NBAS: variants seen among roughly 807,000 people sequenced by gnomAD.
NBAS encodes NBAS subunit of NRZ tethering complex, also known as NAG/BC035112 fusion.
NBAS carries 219 observed loss-of-function variants against 302.5 expected under a neutral mutation model. The ratio of observed to expected loss-of-function variants is 0.72; its 90% confidence interval spans 0.65 to 0.81. The LOEUF is 0.81. Among genes scored for constraint, NBAS ranks in the 30% least tolerant of loss-of-function variants. The pLI, the probability that NBAS is intolerant of heterozygous loss-of-function variation, is 0.00. For missense variants in NBAS, 2,932 were observed against 2,841.6 expected, an observed-to-expected ratio of 1.03 and a Z score of -0.72; for synonymous variants, 1,118 against 1,021.6, an observed-to-expected ratio of 1.09 and a Z score of -1.80.
At chr2:15,142,447 C>T in the NBAS span, among the ~76,000 whole-genome samples, 13,067 of 152,228 alleles carry the variant, frequency 0.086, 1,161 homozygotes, top group East Asian at 0.42. Context: ...CGTCAGGAGG[C>T]TTAGCTGCTA....
chr2:15,400,402 C>T (rs746100377), intron 26 of NBAS, among the ~76,000 whole-genome samples: 5 of 151,944 alleles, frequency 3.3e-5, no homozygotes, highest in African/African-American at 9.7e-5. Flanking sequence ...CACCTAGTTC[C>T]GCAGTATAAA....
intron 19 of NBAS, among the ~76,000 whole-genome samples, chr2:15,462,688 T>C (rs773861689): frequency 6.6e-6 from 1 of 152,088 alleles, no homozygotes; most frequent in Non-Finnish European, 1.5e-5. Context: ...AGTTGGCAAC[T>C]ATGGCATGTC....
intron 44 of NBAS, among the ~76,000 whole-genome samples, chr2:15,241,598 A>C (rs1317825895): frequency 6.6e-6 from 1 of 152,224 alleles, no homozygotes. Flanking sequence ...AATGAAAAAA[A>C]ATGACCCCTG....
the NBAS span, among the ~76,000 whole-genome samples, chr2:14,792,300 C>T: frequency 2.0e-5 from 3 of 152,158 alleles, no homozygotes; most frequent in South Asian, 4.1e-4. Context: ...CCTTAATACA[C>T]CTAAGCTACC....
At chr2:15,553,391 A>C (rs981025170) in intron 5 of NBAS, 35 bp downstream of exon 5, 1 of 1,553,724 alleles carries the variant, frequency 6.4e-7, no homozygotes, top group Non-Finnish European at 8.9e-7. Flanking sequence ...TATTTCTCAA[A>C]GGAAATCTTG....
chr2:15,375,388 G>A (rs1374051428), intron 30 of NBAS, among the ~76,000 whole-genome samples: 1 of 152,172 alleles, frequency 6.6e-6, no homozygotes, highest in Non-Finnish European at 1.5e-5. Context: ...AAGGTGTTTA[G>A]AGGAACATTG....
intron 50 of NBAS, 72 bp downstream of exon 50, chr2:15,186,670 G>T: frequency 6.2e-7 from 1 of 1,601,202 alleles, no homozygotes; most frequent in Non-Finnish European, 8.5e-7. Flanking sequence ...CCAGTCTCTG[G>T]GATTGCTTAC....
chr2:14,931,573 C>A, the NBAS span, among the ~76,000 whole-genome samples: 1 of 152,266 alleles, frequency 6.6e-6, no homozygotes, highest in Non-Finnish European at 1.5e-5. Flanking sequence ...AGCAGTTTTC[C>A]CCAGTGTATC....
intron 44 of NBAS, among the ~76,000 whole-genome samples, chr2:15,263,311 CTTGAACTCCTGGCCTCAAGCA>C (rs1481759140): frequency 6.6e-6 from 1 of 152,140 alleles, no homozygotes; most frequent in Non-Finnish European, 1.5e-5. Flanking sequence ...CCAGGCTGGT[CTTGAACTCCTGGCCTCAAGCA>C]ATCCGCCCGC....
the NBAS span, among the ~76,000 whole-genome samples, chr2:15,036,714 C>T: frequency 3.5e-4 from 54 of 152,252 alleles, no homozygotes; most frequent in African/African-American, 1.3e-3. Context: ...AAGCTTTCTC[C>T]CCCAGCGCAC....
rs1249328499 is a variant in NBAS at position 15,379,596 on chromosome 2, T to C, written c.3590+6A>G. ...CATCTTAGGGAAGAATATAGAGTTA[T>C]TCTACCTGGCTAGATCCATGCAGCT... On this transcript the variant is annotated splice_donor_region_variant and intron_variant, in intron 30 of 51. Transcript: ENST00000281513. 8 of 1,612,954 alleles carry C rather than the reference T, an allele frequency of 5.0e-6. No individual in the cohort carries two copies. The highest frequency in any genetic ancestry group is 5.9e-6 in the Non-Finnish European group (7 of 1,179,176).
the NBAS span, among the ~76,000 whole-genome samples, chr2:14,865,316 A>C: frequency 1.3e-5 from 2 of 151,814 alleles, no homozygotes; most frequent in Non-Finnish European, 2.9e-5. Context: ...ATCTCAGTGG[A>C]ATTCAGGTTG....
At chr2:15,232,552 C>A in intron 46 of NBAS, 41 bp from the exon 47 acceptor site, 1 of 1,582,510 alleles carries the variant, frequency 6.3e-7, no homozygotes, top group Non-Finnish European at 8.7e-7. Flanking sequence ...AAGGATCACT[C>A]AAGTCTCAGA....
chr2:15,521,032 C>A (rs1161187885), intron 9 of NBAS, among the ~76,000 whole-genome samples: 3 of 152,204 alleles, frequency 2.0e-5, no homozygotes, highest in African/African-American at 7.2e-5. Context: ...TCTATTATAA[C>A]CTTAACTTCA....
the NBAS span, among the ~76,000 whole-genome samples, chr2:15,030,599 G>A: frequency 6.6e-6 from 1 of 152,140 alleles, no homozygotes; most frequent in Admixed American, 6.5e-5. Context: ...AGGGGAGAGT[G>A]GCAGTGCCGT....
chr2:15,217,535 G>A (rs979031043), intron 48 of NBAS, among the ~76,000 whole-genome samples: 9 of 152,238 alleles, frequency 5.9e-5, no homozygotes, highest in Admixed American at 5.2e-4. Context: ...TTAGACGGTA[G>A]AATGAGTTGC....
chr2:15,473,180 T>G (rs368144940), intron 16 of NBAS, 42 bp downstream of exon 16: 1 of 1,604,074 alleles, frequency 6.2e-7, no homozygotes, highest in African/African-American at 1.3e-5. Context: ...AGATATTACA[T>G]GAATATACAT....
chr2:15,144,048 A>ATATATATATATATATATATATATTATCCT, the NBAS span, among the ~76,000 whole-genome samples: 1 of 113,810 alleles, frequency 8.8e-6, no homozygotes, highest in East Asian at 3.6e-4. Flanking sequence ...TATATATAAA[A>ATATATATATATATATATATATATTATCCT]ATATATATAT....
rs1403945275 is a variant in NBAS at position 15,475,672 on chromosome 2, A to C, written c.1341+15T>G. The C allele has an allele frequency of 6.2e-7, 1 of 1,613,272 alleles. No individual in the cohort carries two copies. Among genetic ancestry groups the C allele is most frequent in the Non-Finnish European group, 8.5e-7 (1 of 1,179,266 alleles). ...AATACATAACTATTCTCAAACAAAC[A>C]GGAAAAAGCCTTACCTCCAAACTTA... is the stretch of plus-strand genomic sequence containing the variant. On this transcript the variant is annotated intron_variant, in intron 14 of 51. Coordinates refer to ENST00000281513, the MANE Select transcript of NBAS (RefSeq NM_015909.4).
Sources: gnomAD v4.1 joint callset for allele counts (sites outside exome capture counted in the v4.1 genomes callset) on GRCh38, gnomAD v4.1.1 for gene constraint, MANE v1.5 for transcripts, NCBI Gene and HGNC (gene_info 2026-07-23, HGNC 2026-07-21) for gene names.